Variants in SLC38A9 observed in about 807,000 individuals in gnomAD.
SLC38A9 encodes neutral amino acid transporter 9.
Under a neutral mutation model 62.3 loss-of-function variants are expected in SLC38A9, and 48 were observed. The ratio of observed to expected loss-of-function variants is 0.77; its 90% confidence interval spans 0.61 to 0.98. SLC38A9 has a LOEUF of 0.98. SLC38A9 is among the 50% of genes least tolerant of loss of function. SLC38A9 has a pLI of 0.00. For missense variants in SLC38A9, 541 were observed against 679.8 expected, an observed-to-expected ratio of 0.80 and a Z score of 2.27; for synonymous variants, 204 against 227.7, an observed-to-expected ratio of 0.90 and a Z score of 0.94.
chr5:55,672,944 C>T (rs1454850563), intron 3 of SLC38A9: 3 of 366,658 alleles, frequency 8.2e-6, no homozygotes, highest in Non-Finnish European at 9.7e-6. Flanking sequence ...AATTTAGCAA[C>T]CGAGAAGACA....
Position 55,697,861 on chromosome 5 carries a change from T to A in SLC38A9, c.98A>T (p.Asp33Val), listed in dbSNP as rs527891938. ...GPMNIQFEPS[D>V]LRSKRPFCIE... ...AAATGCTTACCTTTTGGATCTTAGA[T>A]CCGATGGCTCAAACTGGATATTCAT... Residue 33 changes from aspartate to valine, a missense_variant, in exon 3 of 16, where the codon GAT (aspartate) becomes GTT (valine). Asp to Val is a radical substitution (Grantham distance 152, BLOSUM62 -3). Coordinates refer to ENST00000396865, the MANE Select transcript of SLC38A9 (RefSeq NM_173514.4). The A allele has an allele frequency of 1.6e-4, 260 of 1,582,622 alleles. 1 individual carries two copies. In the South Asian group the frequency reaches 2.8e-3, roughly 17 times the overall value.
intron 2 of SLC38A9, among the ~76,000 whole-genome samples, chr5:55,710,067 C>CA (rs1174162436): frequency 0.019 from 380 of 20,280 alleles, 6 homozygotes; most frequent in Middle Eastern, 0.028. Flanking sequence ...GACTCCATCT[C>CA]AAAAAAAAAA....
At chr5:55,639,090 G>A (rs1043356259) in intron 12 of SLC38A9, among the ~76,000 whole-genome samples, 1 of 151,856 alleles carries the variant, frequency 6.6e-6, no homozygotes, top group Non-Finnish European at 1.5e-5. Context: ...GGCCGAGGCG[G>A]GCGGATCACC....
At chr5:55,710,067 CAA>C (rs1174162436) in intron 2 of SLC38A9, among the ~76,000 whole-genome samples, 19 of 20,912 alleles carry the variant, frequency 9.1e-4, no homozygotes, top group African/African-American at 2.3e-3. Flanking sequence ...GACTCCATCT[CAA>C]AAAAAAAAAA....
chr5:55,692,536 T>C (rs577381100), intron 3 of SLC38A9: 1 of 732,524 alleles, frequency 1.4e-6, no homozygotes, highest in African/African-American at 1.9e-5. Context: ...CACAAGCAAA[T>C]TAGCATTTAG....
chr5:55,682,426 C>G (rs1440330290), intron 3 of SLC38A9, among the ~76,000 whole-genome samples: 1 of 152,182 alleles, frequency 6.6e-6, no homozygotes, highest in Non-Finnish European at 1.5e-5. Flanking sequence ...GAGTATGCCA[C>G]AGGATTCTTG....
rs1397996183 is a variant in SLC38A9, at chr5:55,691,053, A to G, written c.113+6793T>C. The G allele has an allele frequency of 6.3e-6, 4 of 636,572 alleles. No individual in the cohort carries two copies. In the Admixed American group the frequency reaches 7.4e-5, roughly 12 times the overall value. The allele number at this position is 636,572 out of a possible 1,614,324, so 39.4% of individuals were successfully genotyped here. On this transcript the variant is annotated intron_variant, in intron 3 of 15. Transcript: ENST00000396865. Reference sequence around the variant, plus strand: ...TGTGCACGCTAGAGGACATTATAAAAAAGAGTGCCACAGCATACCTAGGTT... The same window carrying G: ...TGTGCACGCTAGAGGACATTATAAAGAAGAGTGCCACAGCATACCTAGGTT...
chr5:55,681,616 C>T (rs1753016237), intron 3 of SLC38A9, among the ~76,000 whole-genome samples: 1 of 152,152 alleles, frequency 6.6e-6, no homozygotes, highest in Non-Finnish European at 1.5e-5. Context: ...TTGATCAGAA[C>T]ATTTTTTATT....
chr5:55,688,380 C>CTCT (rs1554065996), intron 3 of SLC38A9, among the ~76,000 whole-genome samples: 1 of 123,290 alleles, frequency 8.1e-6, no homozygotes, highest in African/African-American at 3.1e-5. Context: ...GGCATAATCT[C>CTCT]TTTTTTTTTT....
chr5:55,654,609 TA>T (rs756041927), intron 9 of SLC38A9, among the ~76,000 whole-genome samples: 1,704 of 128,688 alleles, frequency 0.013, 14 homozygotes, highest in African/African-American at 0.031. Context: ...TTGTCTCAAA[TA>T]AAAAAAAAAA....
At position 55,704,707 on chromosome 5, in the gene SLC38A9, A is replaced by G. The variant is rs945955489; in HGVS notation, c.-34-6715T>C. On this transcript the variant is annotated intron_variant, in intron 2 of 15. Transcript: ENST00000396865. The stretch of plus-strand genomic sequence containing the variant: ...AAAAGCACTTTCAGAAAGAACTGCA[A>G]GGCATTAATTTGTCTGAATTACACA... 2.0e-5 allele frequency among the ~76,000 whole-genome samples: 3 copies of G among 152,240 alleles called. 1 individual carries two copies. Among genetic ancestry groups the G allele is most frequent in the Non-Finnish European group, 4.4e-5 (3 of 68,040 alleles).
chr5:55,676,980 T>C (rs571861409), intron 3 of SLC38A9, among the ~76,000 whole-genome samples: 2 of 152,298 alleles, frequency 1.3e-5, no homozygotes, highest in South Asian at 4.1e-4. Flanking sequence ...TTCACACACA[T>C]GGATTCAAAA....
At chr5:55,689,021 G>C (rs58508382) in intron 3 of SLC38A9, among the ~76,000 whole-genome samples, 1 of 152,254 alleles carries the variant, frequency 6.6e-6, no homozygotes, top group African/African-American at 2.4e-5. Flanking sequence ...GTAAAAACTA[G>C]TGTTATTTTA....
At chr5:55,637,363 C>T (rs554202316) in intron 12 of SLC38A9, among the ~76,000 whole-genome samples, 95 of 152,324 alleles carry the variant, frequency 6.2e-4, no homozygotes, top group African/African-American at 2.1e-3. Flanking sequence ...TCTGTTCTCA[C>T]GGCACTATAT....
intron 4 of SLC38A9, 24 bp downstream of exon 4, chr5:55,672,539 T>A: frequency 3.7e-6 from 6 of 1,610,956 alleles, no homozygotes; most frequent in Non-Finnish European, 5.1e-6. Context: ...AATTTTAGAC[T>A]ATTAGTAATG....
Position 55,681,684 on chromosome 5 carries a change from C to A in SLC38A9, c.114-8989G>T, listed in dbSNP as rs567373741. Among the ~76,000 whole-genome samples, 18 of 152,258 alleles carry A rather than the reference C, an allele frequency of 1.2e-4. 1 individual carries two copies. In the South Asian group the frequency reaches 3.5e-3, roughly 30 times the overall value. On this transcript the variant is annotated intron_variant, in intron 3 of 15. Transcript: ENST00000396865. Reference sequence around the variant, plus strand: ...ACGAGCCTGACCTTTTTATTAACTTCCTCAGAAACAAGGCAAGAGGTATCC... The same window carrying A: ...ACGAGCCTGACCTTTTTATTAACTTACTCAGAAACAAGGCAAGAGGTATCC...
chr5:55,692,261 A>C (rs1018864858), intron 3 of SLC38A9, among the ~76,000 whole-genome samples: 10 of 152,254 alleles, frequency 6.6e-5, no homozygotes, highest in Non-Finnish European at 1.3e-4. Context: ...AAAAGTAAAT[A>C]GATTTTTGAA....
intron 3 of SLC38A9, among the ~76,000 whole-genome samples, chr5:55,687,732 A>C (rs993668674): frequency 6.6e-6 from 1 of 151,952 alleles, no homozygotes. Context: ...ACAGAGTCTC[A>C]CTGTCGCCCA....
intron 8 of SLC38A9, among the ~76,000 whole-genome samples, chr5:55,659,531 G>A (rs1749090778): frequency 6.6e-6 from 1 of 151,564 alleles, no homozygotes; most frequent in Admixed American, 6.6e-5. Context: ...GTGATTACAG[G>A]TGCCCACCAC....
Sources: allele counts gnomAD v4.1 joint callset (sites outside exome capture counted in the v4.1 genomes callset), GRCh38; gene constraint gnomAD v4.1.1; transcripts MANE v1.5; gene names NCBI Gene and HGNC (gene_info 2026-07-23, HGNC 2026-07-21).